Variants in STAU2 observed in about 807,000 individuals in gnomAD.
STAU2 encodes the protein double-stranded RNA-binding protein Staufen homolog 2.
Under a neutral mutation model 65.9 loss-of-function variants are expected in STAU2, and 20 were observed. The ratio of observed to expected loss-of-function variants is 0.30; its 90% CI spans 0.21 to 0.44. STAU2 has a LOEUF of 0.44. STAU2 is among the 20% of genes least tolerant of loss of function. The pLI is 1.00. For synonymous variants in STAU2, 232 were observed against 233.9 expected (o/e 0.99, Z 0.07); for missense variants, 558 against 683.9 (o/e 0.82, Z 2.05).
At chr8:73,467,844 AG>A (rs1261747302) in intron 13 of STAU2, among the ~76,000 whole-genome samples, 1 of 152,210 alleles carries the variant, frequency 6.6e-6, no homozygotes, top group Non-Finnish European at 1.5e-5. Flanking sequence ...GCTCATGGAT[AG>A]GAAGAATCAA....
intron 6 of STAU2, among the ~76,000 whole-genome samples, chr8:73,625,526 T>C (rs968290404): frequency 1.3e-5 from 2 of 152,128 alleles, no homozygotes; most frequent in African/African-American, 4.8e-5. Flanking sequence ...GAAAGTAGAT[T>C]AGTGGTTGCC....
intron 12 of STAU2, among the ~76,000 whole-genome samples, chr8:73,562,365 A>G (rs1319737387): frequency 3.3e-5 from 5 of 152,314 alleles, no homozygotes; most frequent in Non-Finnish European, 7.4e-5. Context: ...ATGCACCTGT[A>G]GTCCCAGCTA....
chr8:73,667,255 GCCAAA>G (rs1817306010), intron 6 of STAU2, among the ~76,000 whole-genome samples: 1 of 151,904 alleles, frequency 6.6e-6, no homozygotes, highest in African/African-American at 2.4e-5. Context: ...TAGGAATATT[GCCAAA>G]GCAATATTCC....
At chr8:73,518,468 C>T (rs747888975) in intron 13 of STAU2, among the ~76,000 whole-genome samples, 1 of 152,148 alleles carries the variant, frequency 6.6e-6, no homozygotes, top group Non-Finnish European at 1.5e-5. Flanking sequence ...TCATATCTGT[C>T]ATCATAGTGT....
chr8:73,740,830 G>C (rs938749601), intron 1 of STAU2, among the ~76,000 whole-genome samples: 1 of 151,886 alleles, frequency 6.6e-6, no homozygotes, highest in Non-Finnish European at 1.5e-5. Context: ...GTGAAACCCT[G>C]TCTCTACTAA....
chr8:73,603,963 A>G, intron 9 of STAU2, 100 bp from the exon 10 acceptor site: 3 of 1,238,732 alleles, frequency 2.4e-6, no homozygotes, highest in Non-Finnish European at 3.3e-6. Flanking sequence ...CCACACCCCA[A>G]AACTGTGACT....
intron 13 of STAU2, among the ~76,000 whole-genome samples, chr8:73,497,353 T>C (rs1041697127): frequency 6.6e-6 from 1 of 151,794 alleles, no homozygotes; most frequent in Non-Finnish European, 1.5e-5. Context: ...AAAGCTTATT[T>C]AATTTCTGCT....
intron 13 of STAU2, among the ~76,000 whole-genome samples, chr8:73,533,019 A>T (rs918415843): frequency 6.6e-6 from 1 of 152,096 alleles, no homozygotes; most frequent in Non-Finnish European, 1.5e-5. Context: ...TAACTCCAAC[A>T]CCCAGTGCAC....
intron 6 of STAU2, among the ~76,000 whole-genome samples, chr8:73,622,702 A>G (rs1353437041): frequency 1.3e-5 from 2 of 152,232 alleles, no homozygotes; most frequent in Non-Finnish European, 2.9e-5. Flanking sequence ...AGGCCCACTG[A>G]TAGACTTCAG....
At chr8:73,567,430 C>T (rs968708989) in intron 12 of STAU2, among the ~76,000 whole-genome samples, 1 of 152,122 alleles carries the variant, frequency 6.6e-6, no homozygotes, top group African/African-American at 2.4e-5. Flanking sequence ...TCACTTGAAT[C>T]CGTGAGGTGG....
intron 13 of STAU2, among the ~76,000 whole-genome samples, chr8:73,435,314 TG>T (rs1476620242): frequency 6.6e-6 from 1 of 151,930 alleles, no homozygotes; most frequent in African/African-American, 2.4e-5. Context: ...CCTTGGCTGG[TG>T]GGGCCCCTTC....
chr8:73,564,043 C>T (rs1379354143), intron 12 of STAU2, among the ~76,000 whole-genome samples: 2 of 152,214 alleles, frequency 1.3e-5, no homozygotes, highest in Admixed American at 1.3e-4. Context: ...ACACCACCCC[C>T]CTAAGTCAGC....
chr8:73,461,975 C>T (rs1348056204), intron 13 of STAU2, among the ~76,000 whole-genome samples: 1 of 152,212 alleles, frequency 6.6e-6, no homozygotes, highest in African/African-American at 2.4e-5. Context: ...ATGCCTGCCA[C>T]ATCACCCCAT....
intron 11 of STAU2, among the ~76,000 whole-genome samples, chr8:73,591,882 TAAAAAAAAAAA>T (rs34533172): frequency 0.027 from 759 of 28,500 alleles, 4 homozygotes; most frequent in Admixed American, 0.033. Context: ...ATCCCAGAGG[TAAAAAAAAAAA>T]AAAAAAAAAA....
chr8:73,739,271 T>C (rs998724769), intron 2 of STAU2, among the ~76,000 whole-genome samples: 3 of 149,556 alleles, frequency 2.0e-5, no homozygotes, highest in Admixed American at 6.7e-5. Context: ...TGAAAACAGA[T>C]GCCAATGAAG....
upstream of STAU2, chr8:73,747,302 C>G (rs1006608092): frequency 5.4e-6 from 8 of 1,486,856 alleles, no homozygotes; most frequent in African/African-American, 4.2e-5. Flanking sequence ...CCTTCCACAC[C>G]TGCAACTCGG....
At chr8:73,593,185 T>A (rs114202358) in intron 11 of STAU2, among the ~76,000 whole-genome samples, 3 of 152,348 alleles carry the variant, frequency 2.0e-5, no homozygotes, top group African/African-American at 7.2e-5. Flanking sequence ...CAACTCTGGT[T>A]GCCTCCTGAC....
At chr8:73,655,513 A>G (rs1322377275) in intron 6 of STAU2, among the ~76,000 whole-genome samples, 2 of 152,068 alleles carry the variant, frequency 1.3e-5, no homozygotes, top group Non-Finnish European at 2.9e-5. Context: ...TATGCAACAA[A>G]AATAGATATA....
rs1445459240 is a variant in STAU2 at position 73,583,420 on chromosome 8, A to G, written c.1162-590T>C. On this transcript the variant is annotated intron_variant, in intron 11 of 14. Transcript: ENST00000524300. ...TTTGGCCTCCCAAAGTGCTGGGATTATAAGTGTGAGCCACTAAGCCTGGCC... is the reference window on the plus strand; with the variant it reads ...TTTGGCCTCCCAAAGTGCTGGGATTGTAAGTGTGAGCCACTAAGCCTGGCC... Among the ~76,000 whole-genome samples the G allele has an allele frequency of 2.0e-5, 3 of 152,304 alleles. No homozygotes were observed. In the East Asian group the frequency reaches 5.8e-4, roughly 29 times the overall value.
Sources: gnomAD v4.1 joint callset for allele counts (sites outside exome capture counted in the v4.1 genomes callset) on GRCh38, gnomAD v4.1.1 for gene constraint, MANE v1.5 for transcripts, NCBI Gene and HGNC (gene_info 2026-07-23, HGNC 2026-07-21) for gene names.